The following UGGT2 variants were observed in gnomAD, a reference collection of about 807,000 sequenced individuals.
UGGT2 encodes the protein UDP-glucose:glycoprotein glucosyltransferase 2.
In UGGT2, 180 loss-of-function variants were observed where a neutral mutation model predicts 192.1. The ratio of observed to expected loss-of-function variants is 0.94; its 90% CI spans 0.83 to 1.06. The LOEUF (loss-of-function observed/expected upper bound fraction) is 1.06, where lower values mean the gene tolerates loss of function less well. Ranked by LOEUF, UGGT2 falls within the 50% of genes least tolerant of loss-of-function variation. The pLI is 0.00. For missense variants in UGGT2, 1,849 were observed against 1,795.7 expected, an observed-to-expected ratio of 1.03 and a Z score of -0.54; for synonymous variants, 580 against 591.0, an observed-to-expected ratio of 0.98 and a Z score of 0.27.
At chr13:95,938,523 A>G (rs2049545944) in intron 16 of UGGT2, among the ~76,000 whole-genome samples, 1 of 152,200 alleles carries the variant, frequency 6.6e-6, no homozygotes, top group Admixed American at 6.5e-5. Context: ...TGGAAATGGA[A>G]TTTGCACCCA....
chr13:95,867,426 AAAAGTAG>A lies in UGGT2; in HGVS notation c.3474-10_3474-4del. 1 of 1,599,818 alleles carries A rather than the reference AAAAGTAG, an allele frequency of 6.3e-7. No homozygotes were observed. Among genetic ancestry groups the A allele is most frequent in the East Asian group, 2.2e-5 (1 of 44,454 alleles). ...CTTGAGAGTCAGTTCCTTCATGCCT[AAAAGTAG>A]AAAAATGTGTCCATAATTAATTTAA... On this transcript the variant is annotated splice_polypyrimidine_tract_variant and splice_region_variant and intron_variant, in intron 29 of 38. Coordinates refer to ENST00000376747, the MANE Select transcript of UGGT2 (RefSeq NM_020121.4).
At chr13:95,875,215 G>A (rs190354441) in intron 29 of UGGT2, among the ~76,000 whole-genome samples, 1 of 152,218 alleles carries the variant, frequency 6.6e-6, no homozygotes, top group Middle Eastern at 3.4e-3. Flanking sequence ...AATACATTCT[G>A]TACTTATCCA....
intron 4 of UGGT2, among the ~76,000 whole-genome samples, chr13:96,018,085 C>T (rs890734959): frequency 6.6e-6 from 1 of 152,190 alleles, no homozygotes; most frequent in African/African-American, 2.4e-5. Context: ...AACTGACAGT[C>T]AACTACCACT....
At chr13:95,987,134 T>C (rs1594515114) in intron 8 of UGGT2, among the ~76,000 whole-genome samples, 1 of 152,272 alleles carries the variant, frequency 6.6e-6, no homozygotes, top group Middle Eastern at 3.4e-3. Context: ...CCTAACCATC[T>C]GGATATCTTA....
chr13:95,843,851 C>T (rs2139968373), intron 36 of UGGT2, among the ~76,000 whole-genome samples: 1 of 152,258 alleles, frequency 6.6e-6, no homozygotes, highest in Middle Eastern at 3.4e-3. Context: ...CAACACCAAA[C>T]TATTTTGACT....
At position 96,053,366 on chromosome 13, in the gene UGGT2, C is replaced by T. The variant is rs2053546417; in HGVS notation, c.-54G>A. 5 of 1,541,080 alleles carry T rather than the reference C, an allele frequency of 3.2e-6. No homozygotes were observed. The highest frequency in any genetic ancestry group is 1.2e-5 in the South Asian group (1 of 83,190). ...GGACCCGGTACCCACAGTCTGTGGC[C>T]GCCACGCTTCGGCCGGCTCTTCCCG... On this transcript the variant is annotated 5_prime_UTR_variant, in exon 1 of 39. Coordinates refer to ENST00000376747, the MANE Select transcript of UGGT2 (RefSeq NM_020121.4).
intron 38 of UGGT2, among the ~76,000 whole-genome samples, chr13:95,808,129 T>TC (rs1487372217): frequency 6.6e-6 from 1 of 152,098 alleles, no homozygotes. Context: ...TAAAAGGCAG[T>TC]CCCTTACAGG....
chr13:95,801,957 C>T (rs1434367876), intron 38 of UGGT2, 145 bp from the exon 39 acceptor site: 5 of 826,224 alleles, frequency 6.1e-6, no homozygotes, highest in Non-Finnish European at 9.5e-6. Context: ...CATTACGCAA[C>T]ACGAGAATAG....
At chr13:95,846,595 G>A (rs1888487837) in intron 36 of UGGT2, among the ~76,000 whole-genome samples, 1 of 152,148 alleles carries the variant, frequency 6.6e-6, no homozygotes, top group Non-Finnish European at 1.5e-5. Flanking sequence ...CATAGAATGA[G>A]TTGAAAAATA....
intron 20 of UGGT2, among the ~76,000 whole-genome samples, chr13:95,919,617 A>C (rs2048785467): frequency 6.6e-6 from 1 of 152,194 alleles, no homozygotes; most frequent in African/African-American, 2.4e-5. Flanking sequence ...CTACAAAATG[A>C]ATAAAATACC....
At chr13:95,848,920 C>T (rs1334059530) in intron 36 of UGGT2, among the ~76,000 whole-genome samples, 1 of 152,108 alleles carries the variant, frequency 6.6e-6, no homozygotes, top group African/African-American at 2.4e-5. Context: ...ACAGGGAATA[C>T]CTCTTCATGT....
chr13:96,015,110 G>C (rs929134577), intron 4 of UGGT2, among the ~76,000 whole-genome samples: 12 of 151,626 alleles, frequency 7.9e-5, no homozygotes, highest in African/African-American at 2.7e-4. Context: ...AACCCTGTCT[G>C]TACCAAAAAT....
At chr13:95,915,676 C>T (rs1423860817) in intron 20 of UGGT2, among the ~76,000 whole-genome samples, 3 of 152,244 alleles carry the variant, frequency 2.0e-5, no homozygotes, top group Admixed American at 2.0e-4. Context: ...GCCACCATCT[C>T]TGCAGATTGG....
intron 37 of UGGT2, among the ~76,000 whole-genome samples, chr13:95,834,215 GTT>G: frequency 1.2e-5 from 1 of 81,208 alleles, no homozygotes; most frequent in Non-Finnish European, 3.8e-5. Flanking sequence ...ACTACATTGG[GTT>G]TGTGTGTGTG....
chr13:95,980,741 A>T (rs1348685039), intron 10 of UGGT2, among the ~76,000 whole-genome samples: 1 of 152,184 alleles, frequency 6.6e-6, no homozygotes, highest in Non-Finnish European at 1.5e-5. Flanking sequence ...GTCGCTTTGG[A>T]ATCAAGATTC....
rs369202496 is a variant in UGGT2 at position 95,806,438 on chromosome 13, T to G, written c.4529-4626A>C. Among the ~76,000 whole-genome samples the G allele has an allele frequency of 2.6e-4, 39 of 152,278 alleles. No individual in the cohort carries two copies. The South Asian group carries it at 5.4e-3, about 21-fold the overall frequency. ...TGGAGAATTGGTGTTAGAAAAACAT[T>G]ACATATTTGTTGTCAGGAAGAAAGA... On this transcript the variant is annotated intron_variant, in intron 38 of 38. Coordinates refer to ENST00000376747, the MANE Select transcript of UGGT2 (RefSeq NM_020121.4).
Position 95,982,388 on chromosome 13 carries a change from C to T in UGGT2, c.1092+1416G>A, listed in dbSNP as rs140946040. On this transcript the variant is annotated intron_variant, in intron 10 of 38. Transcript: ENST00000376747. ...TACCTGGGACCAGGCATGTTCAAAA[C>T]GGCAGCTCCATCTTCCCTTCTTTCC... Among the ~76,000 whole-genome samples, 223 of 152,316 alleles carry T rather than the reference C, an allele frequency of 1.5e-3. 1 individual carries two copies. The highest frequency in any genetic ancestry group is 5.1e-3 in the African/African-American group (214 of 41,574).
At chr13:95,898,359 C>T (rs1362845710) in intron 22 of UGGT2, among the ~76,000 whole-genome samples, 1 of 152,092 alleles carries the variant, frequency 6.6e-6, no homozygotes, top group Non-Finnish European at 1.5e-5. Context: ...ACTTCTCTGG[C>T]TTCTCTCCTG....
chr13:95,890,856 T>C lies in UGGT2; in HGVS notation c.2958+6A>G, dbSNP rs769097334. The C allele has an allele frequency of 6.2e-7, 1 of 1,602,732 alleles. No individual in the cohort carries two copies. ...AAAACATTTAGTCTAATTTATATTA[T>C]CTTACAACCAACAACTGTGCCATTT... On this transcript the variant is annotated splice_donor_region_variant and intron_variant, in intron 25 of 38. Coordinates refer to ENST00000376747, the MANE Select transcript of UGGT2 (RefSeq NM_020121.4).
Sources: allele counts gnomAD v4.1 joint callset (sites outside exome capture counted in the v4.1 genomes callset), GRCh38; gene constraint gnomAD v4.1.1; transcripts MANE v1.5; gene names NCBI Gene and HGNC (gene_info 2026-07-23, HGNC 2026-07-21).